The following ZBTB20 variants were observed in gnomAD, a reference collection of about 807,000 sequenced individuals.
The protein encoded by ZBTB20 is zinc finger and BTB domain-containing protein 20.
ZBTB20 carries 9 observed loss-of-function variants against 56.9 expected under a neutral mutation model. The ratio of observed to expected loss-of-function variants is 0.16; its 90% CI spans 0.10 to 0.28. The LOEUF is 0.28. ZBTB20 is among the 10% of genes least tolerant of loss of function. ZBTB20 has a pLI of 1.00. For synonymous variants in ZBTB20, 417 were observed against 420.7 expected (o/e 0.99, Z 0.11); for missense variants, 655 against 1,003.0 (o/e 0.65, Z 4.69).
At chr3:114,913,468 T>C (rs1253395498) in intron 3 of ZBTB20, among the ~76,000 whole-genome samples, 1 of 152,016 alleles carries the variant, frequency 6.6e-6, no homozygotes, top group Non-Finnish European at 1.5e-5. Flanking sequence ...GAACTCCTTA[T>C]ATATTCTGGT....
intron 4 of ZBTB20, among the ~76,000 whole-genome samples, chr3:114,829,043 GA>G (rs1049638058): frequency 8.6e-5 from 13 of 151,750 alleles, no homozygotes; most frequent in Admixed American, 2.6e-4. Context: ...AAAAATTGGG[GA>G]TCTTTAAAGT....
intron 5 of ZBTB20, among the ~76,000 whole-genome samples, chr3:114,782,394 T>C (rs899367842): frequency 6.6e-6 from 1 of 152,148 alleles, no homozygotes; most frequent in Admixed American, 6.5e-5. Context: ...TTCTATCCAA[T>C]GGAGGGGCGT....
intron 5 of ZBTB20, among the ~76,000 whole-genome samples, chr3:114,778,798 A>T (rs1436691945): frequency 6.6e-6 from 1 of 152,160 alleles, no homozygotes; most frequent in Non-Finnish European, 1.5e-5. Flanking sequence ...AGAGTCATTT[A>T]TTTTTTGCTA....
intron 4 of ZBTB20, among the ~76,000 whole-genome samples, chr3:114,858,322 G>A (rs962398994): frequency 6.6e-6 from 1 of 152,112 alleles, no homozygotes; most frequent in African/African-American, 2.4e-5. Flanking sequence ...AATACAGGAG[G>A]TAAAAATGGT....
intron 6 of ZBTB20, among the ~76,000 whole-genome samples, chr3:114,683,897 C>G (rs2062151151): frequency 6.6e-6 from 1 of 152,042 alleles, no homozygotes; most frequent in East Asian, 1.9e-4. Context: ...ACAGCCATAT[C>G]TGCTACAGAA....
chr3:114,670,552 A>G (rs1317810590), intron 6 of ZBTB20, among the ~76,000 whole-genome samples: 2 of 152,074 alleles, frequency 1.3e-5, no homozygotes, highest in South Asian at 2.1e-4. Flanking sequence ...CAGAAGTTCA[A>G]TTAAAAACTG....
chr3:114,436,664 A>G (rs1427219741), intron 7 of ZBTB20, among the ~76,000 whole-genome samples: 1 of 152,194 alleles, frequency 6.6e-6, no homozygotes, highest in Non-Finnish European at 1.5e-5. Context: ...TTGCTATCAT[A>G]CTGGGTTTTA....
Position 114,522,265 on chromosome 3 carries a change from T to G in ZBTB20, c.-294-21874A>C, listed in dbSNP as rs1231614630. On this transcript the variant is annotated intron_variant, in intron 6 of 11. Transcript: ENST00000675478. The stretch of plus-strand genomic sequence containing the variant: ...AACAAGCCTTATCTGGGGAAAACAT[T>G]TAAGGCGGTCAGAAAAGCAAGTGCA... Among the ~76,000 whole-genome samples, 4 of 152,068 alleles carry G rather than the reference T, an allele frequency of 2.6e-5. No individual in the cohort carries two copies. In the East Asian group the frequency reaches 5.8e-4, roughly 22 times the overall value.
intron 5 of ZBTB20, among the ~76,000 whole-genome samples, chr3:114,701,845 C>T (rs375391491): frequency 6.6e-6 from 1 of 152,134 alleles, no homozygotes; most frequent in Non-Finnish European, 1.5e-5. Flanking sequence ...GAGATTCTTG[C>T]TTTGCTCTTG....
chr3:114,679,044 G>A (rs1232378672), intron 6 of ZBTB20, among the ~76,000 whole-genome samples: 1 of 152,060 alleles, frequency 6.6e-6, no homozygotes, highest in African/African-American at 2.4e-5. Context: ...CATAATCTTT[G>A]TCTCACAGGT....
chr3:114,453,791 G>A (rs1559809008), intron 7 of ZBTB20, among the ~76,000 whole-genome samples: 1 of 151,974 alleles, frequency 6.6e-6, no homozygotes, highest in African/African-American at 2.4e-5. Flanking sequence ...GGATGATGGG[G>A]AGAAAAGATA....
At chr3:114,507,554 T>C (rs1198467734) in intron 6 of ZBTB20, among the ~76,000 whole-genome samples, 1 of 152,128 alleles carries the variant, frequency 6.6e-6, no homozygotes, top group Non-Finnish European at 1.5e-5. Context: ...AATTTAAGAC[T>C]TAAAGATGAA....
At position 114,331,908 on chromosome 3, in the gene ZBTB20, T is replaced by C. The variant is rs1016223056; in HGVS notation, c.*7097A>G. The C allele has an allele frequency of 1.3e-5, 2 of 151,964 alleles. No individual in the cohort carries two copies. Among genetic ancestry groups the C allele is most frequent in the Admixed American group, 1.3e-4 (2 of 15,270 alleles). 9.4% of individuals were successfully genotyped at this position (151,964 alleles called of 1,614,324 possible). Reference sequence around the variant, plus strand: ...ACTGTGTGTGCACATGTATAAATAATGTATACTCATTTATAGACATTTTGG... The same window carrying C: ...ACTGTGTGTGCACATGTATAAATAACGTATACTCATTTATAGACATTTTGG... On this transcript the variant is annotated 3_prime_UTR_variant, in exon 12 of 12. Transcript: ENST00000675478.
chr3:114,832,923 G>A (rs1012211545), intron 4 of ZBTB20, among the ~76,000 whole-genome samples: 1 of 152,006 alleles, frequency 6.6e-6, no homozygotes, highest in Non-Finnish European at 1.5e-5. Context: ...ACAGTAACAC[G>A]GCCGTTAAAT....
Position 114,415,717 on chromosome 3 carries a change from CAA to C in ZBTB20, c.-254-26614_-254-26613del, listed in dbSNP as rs575936662. 1.3e-4 allele frequency among the ~76,000 whole-genome samples: 20 copies of C among 152,028 alleles called. 1 individual carries two copies. In the South Asian group the frequency reaches 4.2e-3, roughly 32 times the overall value. On this transcript the variant is annotated intron_variant, in intron 7 of 11. Transcript: ENST00000675478. ...AATTTAGGGTTAAATGGAGTGGGGC[CAA>C]GAGAGAGCACGGGGCTTGATACTAA...
chr3:114,817,502 G>C (rs2073006713), intron 4 of ZBTB20, among the ~76,000 whole-genome samples: 1 of 149,718 alleles, frequency 6.7e-6, no homozygotes, highest in African/African-American at 2.5e-5. Flanking sequence ...TGGGCAAAAA[G>C]AGAGAAACTC....
chr3:114,928,185 C>A (rs1253032750), intron 3 of ZBTB20, among the ~76,000 whole-genome samples: 2 of 152,226 alleles, frequency 1.3e-5, no homozygotes, highest in Non-Finnish European at 2.9e-5. Flanking sequence ...TCTCCGTCTT[C>A]CACTTCTGTG....
chr3:114,485,820 C>T (rs868711619), intron 7 of ZBTB20, among the ~76,000 whole-genome samples: 2 of 152,150 alleles, frequency 1.3e-5, no homozygotes, highest in Middle Eastern at 3.4e-3. Context: ...AGGACTTCAC[C>T]AGATACCAAA....
chr3:114,991,764 C>G (rs2078821202), intron 2 of ZBTB20, among the ~76,000 whole-genome samples: 1 of 152,050 alleles, frequency 6.6e-6, no homozygotes, highest in South Asian at 2.1e-4. Flanking sequence ...TCTCTAAGGA[C>G]TTGCTTTATG....
Sources: gnomAD v4.1 joint callset for allele counts (sites outside exome capture counted in the v4.1 genomes callset) on GRCh38, gnomAD v4.1.1 for gene constraint, MANE v1.5 for transcripts, NCBI Gene and HGNC (gene_info 2026-07-23, HGNC 2026-07-21) for gene names.